ROBO4: variants seen among roughly 807,000 people sequenced by gnomAD.
ROBO4 encodes the protein roundabout guidance receptor 4, also known as roundabout homolog 4.
In ROBO4, 80 loss-of-function variants were observed where a neutral mutation model predicts 103.3. That is an observed-to-expected ratio of 0.77 (90% CI 0.65 to 0.93). ROBO4 has a LOEUF of 0.93. ROBO4 is among the 40% of genes least tolerant of loss of function. The pLI, the probability that ROBO4 is intolerant of heterozygous loss-of-function variation, is 0.00. For synonymous variants in ROBO4, 504 were observed against 529.7 expected (o/e 0.95, Z 0.67); for missense variants, 1,333 against 1,305.3 (o/e 1.02, Z -0.33).
chr11:124,886,420 GC>G, intron 16 of ROBO4, 43 bp downstream of exon 16: 1 of 1,447,476 alleles, frequency 6.9e-7, no homozygotes, highest in East Asian at 2.3e-5. Context: ...TGTTAGAAAG[GC>G]AAGGGGCATG....
rs776202411 is a variant in ROBO4, at chr11:124,897,182, C to T, written c.150G>A (p.Arg50=). Residue 50 remains arginine, a synonymous_variant, in exon 2 of 18, where the codon AGG becomes AGA. Transcript: ENST00000306534. ...GCTGGCCTGAGGCTTGGCAGCTCAT[C>T]CTGGCAGGGCCAGGGCCCTGGAACA... ...DQLFQGPGPA[R]MSCQASGQPP... 25 of 1,530,962 alleles carry T rather than the reference C, an allele frequency of 1.6e-5. No homozygotes were observed. The highest frequency in any genetic ancestry group is 8.1e-5 in the Admixed American group (4 of 49,544). 94.8% of individuals were successfully genotyped at this position (1,530,962 alleles called of 1,614,324 possible).
In ROBO4 at chr11:124,896,520, C is replaced by G; in HGVS notation, c.551G>C (p.Arg184Thr). 1 of 1,613,940 alleles carries G rather than the reference C, an allele frequency of 6.2e-7. No homozygotes were observed. The highest frequency in any genetic ancestry group is 1.1e-5 in the South Asian group (1 of 91,056). Reference sequence around the variant, plus strand: ...GGAGGGGGCCACACTTACTGTGTGCCTTCCGGGCTGGAGGGCCAGGGGTTT... The same window carrying G: ...GGAGGGGGCCACACTTACTGTGTGCGTTCCGGGCTGGAGGGCCAGGGGTTT... The part of the protein sequence containing the change: ...DGKPLALQPG[R>T]HTVSGGSLLM... Residue 184 changes from arginine to threonine, a missense_variant, in exon 3 of 18, where the codon AGG becomes ACG. Arg to Thr is a moderately conservative substitution (Grantham distance 71). Transcript: ENST00000306534.
In ROBO4 at chr11:124,891,656, G is replaced by A. The variant is rs770365776; in HGVS notation, c.1684+10C>T. 4 of 1,614,206 alleles carry A rather than the reference G, an allele frequency of 2.5e-6. No homozygotes were observed. The highest frequency in any genetic ancestry group is 2.2e-5 in the East Asian group (1 of 44,892). On this transcript the variant is annotated intron_variant, in intron 11 of 17. Coordinates refer to ENST00000306534, the MANE Select transcript of ROBO4 (RefSeq NM_019055.6). ...CCAGCTAGGCCCTTGCCCCCACTGA[G>A]CATGCTCACAGGAGCGACGACAGTC... is the stretch of plus-strand genomic sequence containing the variant.
intron 10 of ROBO4, chr11:124,892,056 C>T (rs1264506887): frequency 8.9e-6 from 6 of 676,634 alleles, no homozygotes; most frequent in Non-Finnish European, 1.6e-5. Context: ...TGACAGACAG[C>T]TATGTATGCT....
rs374719699 is a variant in ROBO4 at position 124,896,682 on chromosome 11, A to G, written c.401-12T>C. 6.2e-6 allele frequency: 10 copies of G among 1,613,130 alleles called. No individual in the cohort carries two copies. In the African/African-American group the frequency reaches 1.1e-4, roughly 17 times the overall value. On this transcript the variant is annotated splice_polypyrimidine_tract_variant and intron_variant, in intron 2 of 17. Coordinates refer to ENST00000306534, the MANE Select transcript of ROBO4 (RefSeq NM_019055.6). Reference sequence around the variant, plus strand: ...ATCCTCCCGGAGGACTGTGGGGAGGATGGAAGGTGACACGGAGCAGGGCCC... The same window carrying G: ...ATCCTCCCGGAGGACTGTGGGGAGGGTGGAAGGTGACACGGAGCAGGGCCC...
Position 124,893,963 on chromosome 11 carries a change from C to A in ROBO4, c.1401G>T (p.Arg467=), listed in dbSNP as rs1039499309. 10 of 1,603,000 alleles carry A rather than the reference C, an allele frequency of 6.2e-6. No individual in the cohort carries two copies. The Admixed American group carries it at 6.8e-5, about 11-fold the overall frequency. ...TLEQLRATLK[R]PEVIATCGVA... ...CACCGCAGGTGGCAATGACCTCAGG[C>A]CGCTTCAAGGTAGCCCTCAGCTGCT... Residue 467 remains arginine, a synonymous_variant, in exon 9 of 18, where the codon CGG becomes CGT. Transcript: ENST00000306534.
At position 124,896,525 on chromosome 11, in the gene ROBO4, G is replaced by C. The variant is rs143174483; in HGVS notation, c.546C>G (p.Pro182=). The part of the protein sequence containing the change: ...WKDGKPLALQ[P]GRHTVSGGSL... ...GGGCCACACTTACTGTGTGCCTTCCGGGCTGGAGGGCCAGGGGTTTCCCAT... is the reference window on the plus strand; with the variant it reads ...GGGCCACACTTACTGTGTGCCTTCCCGGCTGGAGGGCCAGGGGTTTCCCAT... Residue 182 remains proline, a synonymous_variant, in exon 3 of 18, where the codon CCC becomes CCG. Coordinates refer to ENST00000306534, the MANE Select transcript of ROBO4 (RefSeq NM_019055.6). 1 of 1,614,054 alleles carries C rather than the reference G, an allele frequency of 6.2e-7. No homozygotes were observed. The highest frequency in any genetic ancestry group is 8.5e-7 in the Non-Finnish European group (1 of 1,179,964).
intron 3 of ROBO4, 53 bp downstream of exon 3, chr11:124,896,460 T>C: frequency 6.3e-7 from 1 of 1,599,862 alleles, no homozygotes; most frequent in Non-Finnish European, 8.5e-7. Flanking sequence ...CATCAGGGTG[T>C]ACCCAGGTCT....
At chr11:124,889,201 A>G (rs899546082) in intron 12 of ROBO4, among the ~76,000 whole-genome samples, 1 of 152,168 alleles carries the variant, frequency 6.6e-6, no homozygotes, top group Admixed American at 6.5e-5. Context: ...TTGATTTTCT[A>G]TAGCTTTCAT....
rs763494274 is a variant in ROBO4, at chr11:124,895,646, A to G, written c.847T>C (p.Leu283=). The stretch of plus-strand genomic sequence containing the variant: ...CCCGGGGCAGTCTGGGTCCTGAACA[A>G]GGCCGTGTAAGATTGGGCAGGCGCA... ...PAAPAQSYTA[L]FRTQTAPGGQ... is the part of the protein sequence containing the mutation. Residue 283 remains leucine (L), a synonymous_variant, in exon 6 of 18, where the codon TTG becomes CTG. Transcript: ENST00000306534. 2 of 1,613,896 alleles carry G rather than the reference A, an allele frequency of 1.2e-6. No homozygotes were observed. Among genetic ancestry groups the G allele is most frequent in the Admixed American group, 3.3e-5 (2 of 60,028 alleles).
chr11:124,895,583 C>G lies in ROBO4; in HGVS notation c.910G>C (p.Gly304Arg). 1 of 1,613,476 alleles carries G rather than the reference C, an allele frequency of 6.2e-7. No homozygotes were observed. Among genetic ancestry groups the G allele is most frequent in the East Asian group, 2.2e-5 (1 of 44,874 alleles). ...GAPWAEELLA[G>R]WQSAELGGLH... ...CCTCCAAGCTCTGCGCTCTGCCAGCCGGCCAGCAGCTCCTCTGCCCACGGA... is the reference window on the plus strand; with the variant it reads ...CCTCCAAGCTCTGCGCTCTGCCAGCGGGCCAGCAGCTCCTCTGCCCACGGA... The change falls in exon 6 of 18, where the codon GGC becomes CGC. Residue 304 changes from glycine to arginine, a missense_variant. Physicochemically the swap from Gly to Arg is moderately radical, Grantham distance 125. Transcript: ENST00000306534.
At chr11:124,893,651 C>T (rs769651930) in intron 10 of ROBO4, 37 bp downstream of exon 10, 8 of 1,603,400 alleles carry the variant, frequency 5.0e-6, no homozygotes, top group South Asian at 1.1e-5. Context: ...TCCCTTGCCA[C>T]CCTCCCTTAC....
At chr11:124,886,336 C>T in intron 16 of ROBO4, 128 bp downstream of exon 16, 3 of 751,146 alleles carry the variant, frequency 4.0e-6, no homozygotes, top group Non-Finnish European at 4.5e-6. Flanking sequence ...ATGCAAAGCA[C>T]TTATCATAGT....
At chr11:124,886,208 A>G (rs1181076257) in intron 16 of ROBO4, among the ~76,000 whole-genome samples, 2 of 152,168 alleles carry the variant, frequency 1.3e-5, no homozygotes, top group African/African-American at 4.8e-5. Flanking sequence ...GAATTGGACA[A>G]TTTGTCCTTG....
chr11:124,885,042 A>C lies in ROBO4; in HGVS notation c.3000T>G (p.Gly1000=), dbSNP rs1297345171. The change falls in exon 17 of 18, where the codon GGT becomes GGG. Residue 1000 remains glycine (G), a splice_region_variant and synonymous_variant. Coordinates refer to ENST00000306534, the MANE Select transcript of ROBO4 (RefSeq NM_019055.6). ...SQLHCRMPKA[G]ASPVDYS ...TTAGCCAGGAAGACAGACACTCACCACCAGCCTTGGGCATACGACAGTGGA... is the reference window on the plus strand; with the variant it reads ...TTAGCCAGGAAGACAGACACTCACCCCCAGCCTTGGGCATACGACAGTGGA... 13 of 1,613,882 alleles carry C rather than the reference A, an allele frequency of 8.1e-6. No individual in the cohort carries two copies. In the Admixed American group the frequency reaches 1.0e-4, roughly 12 times the overall value.
Position 124,885,211 on chromosome 11 carries a change from A to G in ROBO4, c.2831T>C (p.Phe944Ser). The change falls in exon 17 of 18, where the codon TTC (phenylalanine) becomes TCC (serine). Residue 944 changes from phenylalanine (F) to serine (S), a missense_variant. Transcript: ENST00000306534. ...SSPPSPRDEI[F>S]LTPNLSLPLW... is the part of the protein sequence containing the mutation. ...GGGCAGGGAGAGGTTGGGGGTCAGG[A>G]AGATCTCATCCCGTGGGGAGGGAGG... is the stretch of plus-strand genomic sequence containing the variant. 6.2e-7 allele frequency: 1 copy of G among 1,613,462 alleles called. No individual in the cohort carries two copies. Among genetic ancestry groups the G allele is most frequent in the South Asian group, 1.1e-5 (1 of 91,082 alleles).
chr11:124,891,278 G>A (rs1946792312), intron 12 of ROBO4, 21 bp downstream of exon 12: 1 of 1,513,618 alleles, frequency 6.6e-7, no homozygotes. Context: ...CTCAGTCTAT[G>A]TCTATTCTCC....
At position 124,897,099 on chromosome 11, in the gene ROBO4, T is replaced by C. The variant is rs1255639405; in HGVS notation, c.233A>G (p.Asp78Gly). 1 of 1,601,724 alleles carries C rather than the reference T, an allele frequency of 6.2e-7. No homozygotes were observed. The highest frequency in any genetic ancestry group is 8.5e-7 in the Non-Finnish European group (1 of 1,172,704). The change falls in exon 2 of 18, where the codon GAC becomes GGC. Residue 78 changes from aspartate to glycine, a missense_variant. Physicochemically the swap from Asp to Gly is moderately conservative, Grantham distance 94. Transcript: ENST00000306534. ...NGQPLSMVPP[D>G]PHHLLPDGTL... is the part of the protein sequence containing the mutation. Reference sequence around the variant, plus strand: ...CCCATCAGGCAGGAGGTGGTGTGGGTCTGGGGGCACCATGCTCAGGGGCTG... The same window carrying C: ...CCCATCAGGCAGGAGGTGGTGTGGGCCTGGGGGCACCATGCTCAGGGGCTG...
At chr11:124,889,945 C>T (rs1373009291) in intron 12 of ROBO4, among the ~76,000 whole-genome samples, 1 of 151,996 alleles carries the variant, frequency 6.6e-6, no homozygotes, top group Non-Finnish European at 1.5e-5. Flanking sequence ...GGGGCTGGAG[C>T]GAGGAGAAAC....
Sources: gnomAD v4.1 joint callset for allele counts (sites outside exome capture counted in the v4.1 genomes callset) on GRCh38, gnomAD v4.1.1 for gene constraint, MANE v1.5 for transcripts, NCBI Gene and HGNC (gene_info 2026-07-23, HGNC 2026-07-21) for gene names.